KSR2: variants seen among roughly 807,000 people sequenced by gnomAD.
KSR2 encodes the protein kinase suppressor of ras 2.
KSR2 carries 25 observed loss-of-function variants against 107.8 expected under a neutral mutation model. That is an observed-to-expected ratio of 0.23 (90% CI 0.17 to 0.32). The LOEUF is 0.32. Ranked by LOEUF, KSR2 falls within the 10% of genes least tolerant of loss-of-function variation. The probability of loss-of-function intolerance (pLI) is 1.00; values close to 1 mark genes in which losing one functional copy is unlikely to be tolerated. For missense variants in KSR2, 887 were observed against 1,268.9 expected, an observed-to-expected ratio of 0.70 and a Z score of 4.57; for synonymous variants, 480 against 507.0, an observed-to-expected ratio of 0.95 and a Z score of 0.71.
chr12:117,841,107 G>A (rs568233258), intron 3 of KSR2, among the ~76,000 whole-genome samples: 7 of 152,110 alleles, frequency 4.6e-5, no homozygotes, highest in Admixed American at 1.3e-4. Flanking sequence ...CTTCTCACAC[G>A]AGTGTATAAG....
At chr12:117,940,330 T>C (rs1452164070) in intron 1 of KSR2, among the ~76,000 whole-genome samples, 2 of 152,300 alleles carry the variant, frequency 1.3e-5, no homozygotes, top group African/African-American at 2.4e-5. Flanking sequence ...CTCTGTTTTG[T>C]AGGTATCTCA....
intron 1 of KSR2, among the ~76,000 whole-genome samples, chr12:117,895,291 G>A (rs1593348652): frequency 6.6e-6 from 1 of 151,994 alleles, no homozygotes; most frequent in Non-Finnish European, 1.5e-5. Context: ...CACAAACATT[G>A]TGCCCAAGGG....
chr12:117,715,042 A>G (rs1223015423), intron 4 of KSR2, among the ~76,000 whole-genome samples: 1 of 152,050 alleles, frequency 6.6e-6, no homozygotes, highest in Admixed American at 6.5e-5. Flanking sequence ...CCTGGTGGTG[A>G]GCAGGTATTT....
At chr12:117,526,526 C>T (rs1875179927) in intron 13 of KSR2, among the ~76,000 whole-genome samples, 1 of 152,178 alleles carries the variant, frequency 6.6e-6, no homozygotes, top group Non-Finnish European at 1.5e-5. Context: ...TTTCAACAAC[C>T]AAAATAGTCC....
At chr12:117,708,264 C>T (rs1284896982) in intron 4 of KSR2, among the ~76,000 whole-genome samples, 2 of 152,246 alleles carry the variant, frequency 1.3e-5, no homozygotes, top group East Asian at 3.9e-4. Context: ...TAAGTCAGAT[C>T]CGGAACTTGA....
At chr12:117,773,703 C>T (rs992050878) in intron 3 of KSR2, among the ~76,000 whole-genome samples, 4 of 152,188 alleles carry the variant, frequency 2.6e-5, no homozygotes, top group African/African-American at 4.8e-5. Flanking sequence ...AAATATTAGG[C>T]TGAAGTCATT....
At chr12:117,788,450 A>C (rs1402447543) in intron 3 of KSR2, among the ~76,000 whole-genome samples, 1 of 152,206 alleles carries the variant, frequency 6.6e-6, no homozygotes, top group African/African-American at 2.4e-5. Context: ...GCACATTAGC[A>C]TATTATAAGC....
chr12:117,935,491 G>A (rs1437845801), intron 1 of KSR2, among the ~76,000 whole-genome samples: 1 of 152,182 alleles, frequency 6.6e-6, no homozygotes, highest in Non-Finnish European at 1.5e-5. Flanking sequence ...CGGGCATGGT[G>A]GTTCATGCCT....
At chr12:117,780,600 G>T (rs1239815509) in intron 3 of KSR2, among the ~76,000 whole-genome samples, 3 of 152,138 alleles carry the variant, frequency 2.0e-5, no homozygotes, top group Non-Finnish European at 4.4e-5. Context: ...TTATGAAAAA[G>T]CTCTGAAGAT....
intron 9 of KSR2, 38 bp from the exon 10 acceptor site, chr12:117,539,925 A>G (rs985152787): frequency 5.1e-6 from 8 of 1,555,460 alleles, no homozygotes; most frequent in Non-Finnish European, 7.0e-6. Context: ...AGGGACAGGC[A>G]GGGAAGCAGA....
intron 4 of KSR2, among the ~76,000 whole-genome samples, chr12:117,740,314 T>C (rs1888125412): frequency 7.4e-6 from 1 of 135,868 alleles, no homozygotes; most frequent in Admixed American, 8.5e-5. Context: ...AATATATATA[T>C]ACACATATAT....
At position 117,836,593 on chromosome 12, in the gene KSR2, G is replaced by A. The variant is rs536010932; in HGVS notation, c.472+18835C>T. 2.8e-4 allele frequency among the ~76,000 whole-genome samples: 43 copies of A among 152,272 alleles called. 1 individual carries two copies. The highest frequency in any genetic ancestry group is 6.0e-4 in the African/African-American group (25 of 41,534). On this transcript the variant is annotated intron_variant, in intron 3 of 19. Transcript: ENST00000339824. ...TTCCGATAGGGAAGAGGCTGGACCC[G>A]TGGCCCAGGCAGGACTCACATCCCA...
rs1893256527 is a variant in KSR2, at chr12:117,860,523, A to G, written c.181-92T>C. The G allele has an allele frequency of 9.1e-6, 11 of 1,206,616 alleles. 1 individual carries two copies. In the South Asian group the frequency reaches 1.7e-4, roughly 19 times the overall value. The allele number at this position is 1,206,616 out of a possible 1,614,324, so 74.7% of individuals were successfully genotyped here. On this transcript the variant is annotated intron_variant, in intron 1 of 19. Transcript: ENST00000339824. ...AACCCCCTACGAACCCCCACCCTAAACCCAGCCAACTCTATTTTAAAGACT... is the reference window on the plus strand; with the variant it reads ...AACCCCCTACGAACCCCCACCCTAAGCCCAGCCAACTCTATTTTAAAGACT...
intron 5 of KSR2, among the ~76,000 whole-genome samples, chr12:117,632,439 G>A (rs1421305548): frequency 4.0e-5 from 6 of 151,828 alleles, no homozygotes; most frequent in African/African-American, 9.7e-5. Flanking sequence ...TGTTGGCCAG[G>A]CTGGTCTCAA....
chr12:117,930,678 G>A (rs528539907), intron 1 of KSR2, among the ~76,000 whole-genome samples: 1 of 152,312 alleles, frequency 6.6e-6, no homozygotes, highest in African/African-American at 2.4e-5. Flanking sequence ...TACTTTGGGA[G>A]GGCAAGGCAG....
chr12:117,938,938 A>G (rs1895923601), intron 1 of KSR2, among the ~76,000 whole-genome samples: 2 of 152,126 alleles, frequency 1.3e-5, no homozygotes, highest in South Asian at 4.1e-4. Context: ...TTTTAAATGA[A>G]CAAAAATCAC....
intron 4 of KSR2, among the ~76,000 whole-genome samples, chr12:117,687,471 G>A (rs1885620889): frequency 6.6e-6 from 1 of 152,162 alleles, no homozygotes; most frequent in Non-Finnish European, 1.5e-5. Flanking sequence ...GAACTTGTTA[G>A]GGTAGAAAAT....
chr12:117,848,182 GGA>G (rs1892768656), intron 3 of KSR2, among the ~76,000 whole-genome samples: 1 of 152,166 alleles, frequency 6.6e-6, no homozygotes, highest in Non-Finnish European at 1.5e-5. Context: ...AAAAAGAAGA[GGA>G]GAGAGAGAAA....
chr12:117,753,371 A>T (rs1888674601), intron 4 of KSR2, among the ~76,000 whole-genome samples: 1 of 152,162 alleles, frequency 6.6e-6, no homozygotes, highest in Non-Finnish European at 1.5e-5. Context: ...CCCAATAACC[A>T]ATCTTTGTCC....
Sources: gnomAD v4.1 joint callset for allele counts (sites outside exome capture counted in the v4.1 genomes callset) on GRCh38, gnomAD v4.1.1 for gene constraint, MANE v1.5 for transcripts, NCBI Gene and HGNC (gene_info 2026-07-23, HGNC 2026-07-21) for gene names.